TTC23L: variants seen among roughly 807,000 people sequenced by gnomAD.
The protein encoded by TTC23L is tetratricopeptide repeat protein 23-like.
TTC23L carries 42 observed loss-of-function variants against 48.1 expected under a neutral mutation model. That is an observed-to-expected ratio of 0.87 (90% CI 0.68 to 1.13). The LOEUF is 1.13. Among genes scored for constraint, TTC23L ranks in the 50% most tolerant of loss-of-function variants. TTC23L has a pLI of 0.00. For synonymous variants in TTC23L, 159 were observed against 157.2 expected (o/e 1.01, Z -0.09); for missense variants, 391 against 421.0 (o/e 0.93, Z 0.62).
the TTC23L span, chr5:34,908,564 G>A: frequency 2.0e-6 from 1 of 488,872 alleles, no homozygotes; most frequent in Admixed American, 3.6e-5. Flanking sequence ...TATGACTACA[G>A]GAAAACATTT....
the TTC23L span, chr5:34,913,337 C>T: frequency 2.1e-6 from 1 of 475,456 alleles, no homozygotes; most frequent in Admixed American, 3.8e-5. Flanking sequence ...AATGTTAGAA[C>T]CCATGACTGT....
the TTC23L span, chr5:34,915,875 G>C: frequency 6.4e-7 from 1 of 1,559,456 alleles, no homozygotes; most frequent in Non-Finnish European, 8.7e-7. Flanking sequence ...GAGAGGGACC[G>C]GATCCCAGGC....
intron 10 of TTC23L, among the ~76,000 whole-genome samples, chr5:34,899,148 CCTG>C (rs1190384381): frequency 6.6e-6 from 1 of 152,138 alleles, no homozygotes; most frequent in Non-Finnish European, 1.5e-5. Context: ...GGAAGAGCTC[CCTG>C]CTGTTTAGGA....
At chr5:34,862,953 C>A in exon 5 of TTC23L, 1 of 1,613,980 alleles carries the variant, frequency 6.2e-7, no homozygotes, top group Non-Finnish European at 8.5e-7. Flanking sequence ...CACTGTTGAC[C>A]TGGAAGGCAA....
the TTC23L span, among the ~76,000 whole-genome samples, chr5:34,915,128 C>G: frequency 6.6e-6 from 1 of 152,328 alleles, no homozygotes; most frequent in Admixed American, 6.5e-5. Context: ...ATTATCTAAG[C>G]TACGGTTTCC....
the TTC23L span, among the ~76,000 whole-genome samples, chr5:34,924,154 G>T: frequency 1.3e-5 from 2 of 152,222 alleles, no homozygotes; most frequent in Non-Finnish European, 2.9e-5. Context: ...AAAAGAGGAG[G>T]TGACTCTAGA....
At chr5:34,922,196 C>T in the TTC23L span, 2 of 1,392,104 alleles carry the variant, frequency 1.4e-6, no homozygotes, top group Non-Finnish European at 2.0e-6. Flanking sequence ...ACTTCATTTT[C>T]CTATACTTTG....
At chr5:34,911,184 A>G in the TTC23L span, among the ~76,000 whole-genome samples, 1 of 152,260 alleles carries the variant, frequency 6.6e-6, no homozygotes, top group East Asian at 1.9e-4. Flanking sequence ...CTTCTTCTGC[A>G]TCCTGAACTA....
At chr5:34,867,332 G>C in intron 7 of TTC23L, 1 of 484,466 alleles carries the variant, frequency 2.1e-6, no homozygotes, top group African/African-American at 1.9e-5. Context: ...ATCTCTGTTG[G>C]TGCTGTAAAA....
intron 8 of TTC23L, among the ~76,000 whole-genome samples, chr5:34,875,948 C>T (rs1761805479): frequency 6.6e-6 from 1 of 152,086 alleles, no homozygotes; most frequent in African/African-American, 2.4e-5. Flanking sequence ...TCTCAGACCA[C>T]AGTGGAATTA....
chr5:34,880,322 A>G lies in TTC23L; in HGVS notation c.1077+14A>G, dbSNP rs1159284189. The G allele has an allele frequency of 6.3e-7, 1 of 1,594,686 alleles. No individual in the cohort carries two copies. The highest frequency in any genetic ancestry group is 2.2e-5 in the East Asian group (1 of 44,706). ...GGAGAAAAACAGGTAAATATGATCA[A>G]TGCATAAACAGAATTGCTAGTTTGT... On this transcript the variant is annotated intron_variant, in intron 9 of 10. Transcript: ENST00000505624.
chr5:34,852,369 G>A (rs1224216925), intron 4 of TTC23L, among the ~76,000 whole-genome samples: 1 of 152,176 alleles, frequency 6.6e-6, no homozygotes, highest in Non-Finnish European at 1.5e-5. Context: ...GACAGCTCAT[G>A]TTTGGAAATG....
At chr5:34,915,798 A>G in the TTC23L span, 2 of 1,590,916 alleles carry the variant, frequency 1.3e-6, no homozygotes, top group Non-Finnish European at 1.7e-6. Flanking sequence ...AGAAGCCAAA[A>G]AGAAACGAAA....
At chr5:34,899,874 T>G (rs142320881), downstream of TTC23L, among the ~76,000 whole-genome samples, 179 of 151,688 alleles carry the variant, frequency 1.2e-3, no homozygotes, top group African/African-American at 4.2e-3. Context: ...TGGCGACAGA[T>G]AGAGACTGCG....
chr5:34,907,400 A>C, the TTC23L span: 1 of 152,222 alleles, frequency 6.6e-6, no homozygotes, highest in African/African-American at 2.4e-5. Context: ...TGTCTCACTC[A>C]AAAGGCCAAT....
chr5:34,916,078 T>G, the TTC23L span: 1 of 633,164 alleles, frequency 1.6e-6, no homozygotes, highest in Non-Finnish European at 2.4e-6. Context: ...CTTGTGCACG[T>G]GGCCGTCTTC....
At chr5:34,915,384 A>G in the TTC23L span, 2 of 247,780 alleles carry the variant, frequency 8.1e-6, no homozygotes, top group Non-Finnish European at 1.6e-5. Context: ...ATCGCTTACT[A>G]GTCTCGGGGT....
chr5:34,864,542 C>G (rs1025991967), exon 6 of TTC23L: 2 of 1,613,398 alleles, frequency 1.2e-6, no homozygotes, highest in African/African-American at 2.7e-5. Context: ...CTGAGAACGA[C>G]CTAACACTTG....
intron 2 of TTC23L, among the ~76,000 whole-genome samples, chr5:34,842,836 C>T (rs964075884): frequency 9.2e-5 from 14 of 152,260 alleles, no homozygotes; most frequent in African/African-American, 2.4e-4. Context: ...CATGGGCCTT[C>T]GGCTCCCAGC....
Sources: allele counts gnomAD v4.1 joint callset (sites outside exome capture counted in the v4.1 genomes callset), GRCh38; gene constraint gnomAD v4.1.1; transcripts MANE v1.5; gene names NCBI Gene and HGNC (gene_info 2026-07-23, HGNC 2026-07-21).